Variants in AOPEP observed in about 807,000 individuals in gnomAD.
The protein encoded by AOPEP is aminopeptidase O.
In AOPEP, 77 loss-of-function variants were observed where a neutral mutation model predicts 98.1. The observed-to-expected ratio is 0.78, with a 90% confidence interval of 0.65 to 0.95. The LOEUF (loss-of-function observed/expected upper bound fraction) is 0.95. AOPEP is among the 40% of genes least tolerant of loss of function. The pLI is 0.00. For synonymous variants in AOPEP, 346 were observed against 365.3 expected (o/e 0.95, Z 0.60); for missense variants, 1,024 against 1,024.7 (o/e 1.00, Z 0.01).
chr9:95,136,808 A>T, the AOPEP span, among the ~76,000 whole-genome samples: 2 of 152,162 alleles, frequency 1.3e-5, no homozygotes, highest in Non-Finnish European at 2.9e-5. Context: ...GTGTAGCTAC[A>T]TTTGTTTCTA....
chr9:94,857,655 AG>A (rs2044385642), intron 5 of AOPEP, among the ~76,000 whole-genome samples: 1 of 152,204 alleles, frequency 6.6e-6, no homozygotes, highest in Non-Finnish European at 1.5e-5. Context: ...AAGCAGAGTG[AG>A]TTAACGGTAT....
rs545727146 is a variant in AOPEP at position 94,772,013 on chromosome 9, G to T, written c.798-989G>T. ...TTGAACCATCTTTCTGTGTTTTCTC[G>T]CACACTGTGTGAACACAATAAATGC... is the stretch of plus-strand genomic sequence containing the variant. On this transcript the variant is annotated intron_variant, in intron 2 of 16. Coordinates refer to ENST00000375315, the MANE Select transcript of AOPEP (RefSeq NM_001193329.3). Among the ~76,000 whole-genome samples the T allele has an allele frequency of 1.3e-4, 20 of 152,030 alleles. 1 individual carries two copies. The South Asian group carries it at 4.2e-3, about 32-fold the overall frequency.
intron 5 of AOPEP, among the ~76,000 whole-genome samples, chr9:94,825,554 G>A (rs892450891): frequency 6.6e-6 from 1 of 152,272 alleles, no homozygotes; most frequent in Non-Finnish European, 1.5e-5. Flanking sequence ...TTCCAGGGGA[G>A]CGCCCTCCCT....
chr9:95,087,146 A>ATT lies in AOPEP; in HGVS notation c.*478_*479dup. On this transcript the variant is annotated 3_prime_UTR_variant, in exon 17 of 17. Coordinates refer to ENST00000375315, the MANE Select transcript of AOPEP (RefSeq NM_001193329.3). ...GATATATTATTAATAAATGTAATGG[A>ATT]TTTTTTTTTTGTATACGTGTTTGCT... 6.2e-6 allele frequency: 1 copy of ATT among 160,794 alleles called. No homozygotes were observed. Among genetic ancestry groups the ATT allele is most frequent in the Non-Finnish European group, 1.3e-5 (1 of 77,364 alleles). The allele number at this position is 160,794 out of a possible 1,614,324, so 10.0% of individuals were successfully genotyped here.
intron 5 of AOPEP, among the ~76,000 whole-genome samples, chr9:94,878,709 C>G (rs1251005841): frequency 2.0e-5 from 3 of 152,112 alleles, no homozygotes; most frequent in Non-Finnish European, 4.4e-5. Context: ...CATTTAATGC[C>G]AACAGTAGTA....
chr9:94,741,314 C>G lies in AOPEP; in HGVS notation c.-136+14563C>G, dbSNP rs556992634. 2.0e-5 allele frequency among the ~76,000 whole-genome samples: 3 copies of G among 151,314 alleles called. No homozygotes were observed. The South Asian group carries it at 6.3e-4, about 32-fold the overall frequency. Reference sequence around the variant, plus strand: ...TTGAGATGGAGTCTTGCTCTGTCGCCCAGGCTGGAGTGCAGTGGTGCGATC... The same window carrying G: ...TTGAGATGGAGTCTTGCTCTGTCGCGCAGGCTGGAGTGCAGTGGTGCGATC... On this transcript the variant is annotated intron_variant, in intron 1 of 16. Coordinates refer to ENST00000375315, the MANE Select transcript of AOPEP (RefSeq NM_001193329.3).
intron 13 of AOPEP, chr9:95,006,113 C>T (rs1398327858): frequency 2.1e-6 from 1 of 470,848 alleles, no homozygotes; most frequent in South Asian, 1.6e-5. Flanking sequence ...ATTTGTTTGC[C>T]CAAGTTTAGA....
intron 1 of AOPEP, among the ~76,000 whole-genome samples, chr9:94,745,973 T>C (rs893025909): frequency 1.1e-4 from 16 of 152,254 alleles, no homozygotes; most frequent in Admixed American, 1.0e-3. Context: ...TGTGCTAATT[T>C]ACATTCCCAC....
chr9:94,996,428 G>C (rs901726936), intron 11 of AOPEP, among the ~76,000 whole-genome samples: 6 of 151,386 alleles, frequency 4.0e-5, no homozygotes, highest in African/African-American at 1.5e-4. Flanking sequence ...AGGGATGGAT[G>C]AATCAGGCCC....
rs144158373 is a variant in AOPEP at position 94,760,189 on chromosome 9, A to C, written c.406A>C (p.Asn136His). The change falls in exon 2 of 17, where the codon AAT becomes CAT. Residue 136 changes from asparagine (N) to histidine (H), a missense_variant. By Grantham distance (68) the Asn-to-His change is moderately conservative. Around this residue, in one of 3 missense-constraint regions of AOPEP, gnomAD observed 440 missense variants for 433.8 expected, o/e 1.01. Coordinates refer to ENST00000375315, the MANE Select transcript of AOPEP (RefSeq NM_001193329.3). ...SSSKYCCDTGNHGSEDFLLVL... is the reference protein window; with the variant it reads ...SSSKYCCDTGHHGSEDFLLVL... ...CTCAAAGTACTGCTGTGACACAGGG[A>C]ATCATGGGAGTGAGGATTTTTTGCT... 3.1e-5 allele frequency: 50 copies of C among 1,614,078 alleles called. No individual in the cohort carries two copies. The highest frequency in any genetic ancestry group is 4.2e-5 in the Non-Finnish European group (49 of 1,180,044).
intron 3 of AOPEP, among the ~76,000 whole-genome samples, chr9:94,785,015 A>C (rs356141): frequency 0.65 from 98,498 of 152,008 alleles, 32,518 homozygotes; most frequent in African/African-American, 0.77. Context: ...CACACTGCAA[A>C]CTCCGCCTCC....
At chr9:95,069,774 G>A (rs933625627) in intron 14 of AOPEP, among the ~76,000 whole-genome samples, 2 of 152,202 alleles carry the variant, frequency 1.3e-5, no homozygotes, top group African/African-American at 4.8e-5. Context: ...GAGTGTGATG[G>A]CCCTGGTAGC....
At chr9:94,996,530 C>T (rs1323368755) in intron 11 of AOPEP, among the ~76,000 whole-genome samples, 4 of 152,164 alleles carry the variant, frequency 2.6e-5, no homozygotes, top group South Asian at 2.1e-4. Flanking sequence ...TTTTAAAACT[C>T]GACCTGCCAG....
At position 94,787,324 on chromosome 9, in the gene AOPEP, G is replaced by T. The variant is rs570417081; in HGVS notation, c.965-5441G>T. Reference sequence around the variant, plus strand: ...AGAGTGCAGACATGCTGATGAAGGTGCTGGGTTGTGATGGGATTGGGCGCT... The same window carrying T: ...AGAGTGCAGACATGCTGATGAAGGTTCTGGGTTGTGATGGGATTGGGCGCT... On this transcript the variant is annotated intron_variant, in intron 3 of 16. Transcript: ENST00000375315. 2.0e-5 allele frequency among the ~76,000 whole-genome samples: 3 copies of T among 152,340 alleles called. No homozygotes were observed. The South Asian group carries it at 6.2e-4, about 32-fold the overall frequency.
intron 2 of AOPEP, 68 bp from the exon 3 acceptor site, chr9:94,772,934 A>C: frequency 7.0e-7 from 1 of 1,437,762 alleles, no homozygotes. Flanking sequence ...GCACTACCAT[A>C]CTGGTGAGAA....
the AOPEP span, chr9:95,100,212 A>C: frequency 4.2e-4 from 93 of 223,116 alleles, no homozygotes; most frequent in Non-Finnish European, 7.0e-4. Context: ...ATGTTATATG[A>C]AGGCAATGAC....
At chr9:94,863,978 G>A (rs958721142) in intron 5 of AOPEP, among the ~76,000 whole-genome samples, 9 of 152,172 alleles carry the variant, frequency 5.9e-5, no homozygotes, top group African/African-American at 1.9e-4. Flanking sequence ...ATTCTAGATA[G>A]CCATGTATTC....
chr9:94,829,051 T>G (rs1855327358), intron 5 of AOPEP, among the ~76,000 whole-genome samples: 1 of 151,924 alleles, frequency 6.6e-6, no homozygotes, highest in South Asian at 2.1e-4. Context: ...GTATTTTTAT[T>G]AGAGGCGGGG....
At chr9:94,884,577 G>A (rs1002572940) in intron 5 of AOPEP, among the ~76,000 whole-genome samples, 4 of 152,188 alleles carry the variant, frequency 2.6e-5, no homozygotes, top group Non-Finnish European at 5.9e-5. Flanking sequence ...CCCCAGACCT[G>A]CTACGAGTTA....
Sources: gnomAD v4.1 joint callset for allele counts (sites outside exome capture counted in the v4.1 genomes callset) on GRCh38, gnomAD v4.1.1 for gene constraint, gnomAD v4.1.1 regional missense constraint, MANE v1.5 for transcripts, NCBI Gene and HGNC (gene_info 2026-07-23, HGNC 2026-07-21) for gene names.